TMTC2: variants seen among roughly 807,000 people sequenced by gnomAD.
TMTC2 encodes the protein transmembrane O-mannosyltransferase targeting cadherins 2.
In TMTC2, 43 loss-of-function variants were observed where a neutral mutation model predicts 82.4. The observed-to-expected ratio is 0.52, with a 90% CI of 0.41 to 0.67. The LOEUF (loss-of-function observed/expected upper bound fraction) is 0.67, where lower values mean the gene tolerates loss of function less well. Ranked by LOEUF, TMTC2 falls within the 30% of genes least tolerant of loss-of-function variation. TMTC2 has a pLI of 0.00. For synonymous variants in TMTC2, 408 were observed against 381.9 expected, an observed-to-expected ratio of 1.07 and a Z score of -0.80; for missense variants, 919 against 1,012.4, an observed-to-expected ratio of 0.91 and a Z score of 1.25.
chr12:82,989,753 CTT>C (rs10715720), intron 8 of TMTC2, among the ~76,000 whole-genome samples: 3,324 of 141,876 alleles, frequency 0.023, 53 homozygotes, highest in Non-Finnish European at 0.029. Context: ...TTTCAGGAGG[CTT>C]TTTTTTTTTT....
chr12:82,855,125 T>C (rs1217501467), intron 1 of TMTC2, among the ~76,000 whole-genome samples: 1 of 152,202 alleles, frequency 6.6e-6, no homozygotes, highest in Non-Finnish European at 1.5e-5. Context: ...TCACAGAAAC[T>C]GAAGCTCAGA....
At chr12:83,039,538 A>G (rs779175763) in intron 9 of TMTC2, among the ~76,000 whole-genome samples, 3 of 152,138 alleles carry the variant, frequency 2.0e-5, no homozygotes, top group Non-Finnish European at 4.4e-5. Context: ...AGAAATTCAC[A>G]TATAGCATCT....
At chr12:82,750,491 T>G (rs2136965125) in intron 1 of TMTC2, among the ~76,000 whole-genome samples, 1 of 152,264 alleles carries the variant, frequency 6.6e-6, no homozygotes, top group South Asian at 2.1e-4. Flanking sequence ...GGGATAGAGA[T>G]TGCATCAGAA....
At chr12:82,711,294 A>C (rs1873607411) in intron 1 of TMTC2, among the ~76,000 whole-genome samples, 1 of 152,198 alleles carries the variant, frequency 6.6e-6, no homozygotes, top group Non-Finnish European at 1.5e-5. Context: ...CTACGCTAAC[A>C]GAATGTTGGG....
intron 3 of TMTC2, among the ~76,000 whole-genome samples, chr12:82,904,311 A>C (rs574457477): frequency 6.6e-6 from 1 of 152,264 alleles, no homozygotes; most frequent in South Asian, 2.1e-4. Flanking sequence ...ATGTGCTTTA[A>C]TGGAATATGA....
At chr12:83,013,483 T>G (rs1237797693) in intron 8 of TMTC2, among the ~76,000 whole-genome samples, 1 of 152,230 alleles carries the variant, frequency 6.6e-6, no homozygotes, top group African/African-American at 2.4e-5. Context: ...TGCTTATCTT[T>G]CAGTACAGAA....
chr12:82,960,437 A>C (rs1877867018), intron 4 of TMTC2, among the ~76,000 whole-genome samples: 1 of 152,128 alleles, frequency 6.6e-6, no homozygotes, highest in South Asian at 2.1e-4. Flanking sequence ...AGGGAATACT[A>C]CACAGCCATA....
At chr12:83,022,515 A>G (rs569142647) in intron 8 of TMTC2, among the ~76,000 whole-genome samples, 1 of 152,212 alleles carries the variant, frequency 6.6e-6, no homozygotes, top group Admixed American at 6.5e-5. Context: ...TGTCTTGATT[A>G]CCAAGGCCTG....
At chr12:82,747,278 T>G (rs1479236258) in intron 1 of TMTC2, among the ~76,000 whole-genome samples, 1 of 152,224 alleles carries the variant, frequency 6.6e-6, no homozygotes, top group African/African-American at 2.4e-5. Context: ...ATTAACAGGA[T>G]TTTAAATTTA....
intron 1 of TMTC2, among the ~76,000 whole-genome samples, chr12:82,742,332 T>A: frequency 7.2e-6 from 1 of 138,920 alleles, no homozygotes; most frequent in African/African-American, 2.8e-5. Flanking sequence ...GAGACCCAAA[T>A]GACAAAGGGG....
At chr12:82,825,088 CAAAAAAAAAGAAA>C (rs1288649822) in intron 1 of TMTC2, among the ~76,000 whole-genome samples, 2 of 129,500 alleles carry the variant, frequency 1.5e-5, no homozygotes, top group African/African-American at 5.9e-5. Flanking sequence ...GACTCTGACT[CAAAAAAAAAGAAA>C]AAAAAAAAAG....
At chr12:82,998,523 T>C (rs1879765948) in intron 8 of TMTC2, among the ~76,000 whole-genome samples, 1 of 152,230 alleles carries the variant, frequency 6.6e-6, no homozygotes, top group Non-Finnish European at 1.5e-5. Flanking sequence ...TTGACTTTAT[T>C]AATTTGTGAT....
chr12:82,896,143 G>A lies in TMTC2; in HGVS notation c.980G>A (p.Gly327Asp). ...YTGLLLLAYY[G>D]LKSPSVDREC... is the part of the protein sequence containing the mutation. ...GGACTCCTTCTCCTTGCCTACTATGGTTTGAAGAGCCCGAGCGTAGACAGA... is the reference window on the plus strand; with the variant it reads ...GGACTCCTTCTCCTTGCCTACTATGATTTGAAGAGCCCGAGCGTAGACAGA... Residue 327 changes from glycine to aspartate, a missense_variant, in exon 3 of 12, where the codon GGT becomes GAT. By Grantham distance (94) the Gly-to-Asp change is moderately conservative. Transcript: ENST00000321196. 2 of 1,613,938 alleles carry A rather than the reference G, an allele frequency of 1.2e-6. No individual in the cohort carries two copies. The highest frequency in any genetic ancestry group is 1.7e-6 in the Non-Finnish European group (2 of 1,180,002).
intron 4 of TMTC2, among the ~76,000 whole-genome samples, 173 bp downstream of exon 4, chr12:82,930,718 C>T (rs1402517520): frequency 4.6e-5 from 7 of 152,070 alleles, no homozygotes; most frequent in African/African-American, 1.4e-4. Flanking sequence ...TTCTTTGTTT[C>T]GGGCCACATC....
Position 82,876,738 on chromosome 12 carries a change from G to A in TMTC2, c.655-19080G>A, listed in dbSNP as rs146270430. 6.6e-5 allele frequency among the ~76,000 whole-genome samples: 10 copies of A among 151,928 alleles called. No individual in the cohort carries two copies. In the East Asian group the frequency reaches 9.7e-4, roughly 15 times the overall value. ...TTCATTTCGTTTTGTTTTTTGCAAC[G>A]ATTTGTAATATTTACTTCTTTATCT... On this transcript the variant is annotated intron_variant, in intron 2 of 11. Transcript: ENST00000321196.
intron 8 of TMTC2, among the ~76,000 whole-genome samples, chr12:82,998,647 A>G (rs1879770438): frequency 6.6e-6 from 1 of 152,298 alleles, no homozygotes; most frequent in East Asian, 1.9e-4. Flanking sequence ...CTTATATCCT[A>G]TACAGAATAA....
intron 9 of TMTC2, among the ~76,000 whole-genome samples, chr12:83,040,875 A>G (rs916489623): frequency 2.6e-5 from 4 of 151,898 alleles, no homozygotes; most frequent in Non-Finnish European, 5.9e-5. Context: ...TAGTAGAGAC[A>G]GGGGATCACC....
chr12:83,094,428 T>C (rs908746760), intron 11 of TMTC2, among the ~76,000 whole-genome samples: 6 of 152,184 alleles, frequency 3.9e-5, no homozygotes, highest in Non-Finnish European at 5.9e-5. Flanking sequence ...TAGTGATAAG[T>C]GAAGAGGCTA....
chr12:83,083,650 T>C (rs1883549978), intron 11 of TMTC2, among the ~76,000 whole-genome samples: 1 of 152,208 alleles, frequency 6.6e-6, no homozygotes. Flanking sequence ...GAAGCTGTTG[T>C]CCTCTCTGTG....
Sources: allele counts gnomAD v4.1 joint callset (sites outside exome capture counted in the v4.1 genomes callset), GRCh38; gene constraint gnomAD v4.1.1; transcripts MANE v1.5; gene names NCBI Gene and HGNC (gene_info 2026-07-23, HGNC 2026-07-21).